FRYL: variants seen among roughly 807,000 people sequenced by gnomAD.
The protein encoded by FRYL is FRY like transcription coactivator.
Under a neutral mutation model 351.2 loss-of-function variants are expected in FRYL, and 150 were observed. The observed-to-expected ratio is 0.43, with a 90% CI of 0.37 to 0.49. FRYL has a LOEUF of 0.49. Among genes scored for constraint, FRYL ranks in the 20% least tolerant of loss-of-function variants. The pLI is 0.00. For synonymous variants in FRYL, 1,153 were observed against 1,257.1 expected (o/e 0.92, Z 1.75); for missense variants, 3,036 against 3,619.3 (o/e 0.84, Z 4.13).
At position 48,540,476 on chromosome 4, in the gene FRYL, C is replaced by T. The variant is rs1225660262; in HGVS notation, c.6172G>A (p.Gly2058Arg). Residue 2058 changes from glycine (G) to arginine (R), a missense_variant, in exon 46 of 64, where the codon GGA (glycine) becomes AGA (arginine). By Grantham distance (125) the Gly-to-Arg change is moderately radical. This residue lies in a region of FRYL where 1,987 missense variants were observed against 2,311.7 expected (regional missense o/e 0.86). Transcript: ENST00000358350. ...QSKLKWTNFP[G>R]LQQLFLKGFT... ...CCCTTAAGGAAGAGCTGCTGAAGTCCTGGAAAATTAGTCCATTTCAATTTG... is the reference window on the plus strand; with the variant it reads ...CCCTTAAGGAAGAGCTGCTGAAGTCTTGGAAAATTAGTCCATTTCAATTTG... 6.2e-7 allele frequency: 1 copy of T among 1,613,996 alleles called. No homozygotes were observed. The highest frequency in any genetic ancestry group is 1.7e-5 in the Admixed American group (1 of 60,000).
At chr4:48,736,308 A>G (rs1203179487) in intron 1 of FRYL, among the ~76,000 whole-genome samples, 1 of 152,170 alleles carries the variant, frequency 6.6e-6, no homozygotes, top group African/African-American at 2.4e-5. Context: ...TTAGGAAACT[A>G]GAAAAGGAAG....
intron 4 of FRYL, among the ~76,000 whole-genome samples, chr4:48,630,179 T>G (rs1187214565): frequency 1.3e-5 from 2 of 152,128 alleles, no homozygotes; most frequent in African/African-American, 4.8e-5. Flanking sequence ...TGATGGTCCA[T>G]TGACAGTAAT....
At chr4:48,657,533 A>G (rs1759502716) in intron 3 of FRYL, among the ~76,000 whole-genome samples, 2 of 152,152 alleles carry the variant, frequency 1.3e-5, no homozygotes, top group Admixed American at 6.5e-5. Flanking sequence ...TTACTGCAAG[A>G]TTGTCAAAAG....
At chr4:48,692,909 A>C (rs926528081) in intron 2 of FRYL, among the ~76,000 whole-genome samples, 2 of 152,240 alleles carry the variant, frequency 1.3e-5, no homozygotes, top group African/African-American at 2.4e-5. Flanking sequence ...CATTTCTATA[A>C]GTAATATTGT....
chr4:48,723,135 T>C (rs1199251843), intron 1 of FRYL, among the ~76,000 whole-genome samples: 1 of 152,074 alleles, frequency 6.6e-6, no homozygotes, highest in African/African-American at 2.4e-5. Context: ...TAACAGGTTT[T>C]TTTTTGTTTG....
intron 1 of FRYL, among the ~76,000 whole-genome samples, chr4:48,720,876 G>A (rs1769392185): frequency 6.6e-6 from 1 of 152,178 alleles, no homozygotes; most frequent in Non-Finnish European, 1.5e-5. Flanking sequence ...AGCTAAGATA[G>A]ATTCTATGGC....
At chr4:48,579,611 T>A (rs186225335) in intron 22 of FRYL, among the ~76,000 whole-genome samples, 9 of 152,328 alleles carry the variant, frequency 5.9e-5, no homozygotes, top group Admixed American at 4.6e-4. Flanking sequence ...TATCTATGTA[T>A]GTGTGGAACA....
chr4:48,507,703 AAGATAGATAGATGAT>A (rs759418962), intron 59 of FRYL, among the ~76,000 whole-genome samples: 9 of 151,652 alleles, frequency 5.9e-5, no homozygotes, highest in African/African-American at 1.9e-4. Context: ...ACAGTTTTCA[AAGATAGATAGATGAT>A]AGATAGATAG....
At chr4:48,619,485 A>G (rs1560729231) in intron 6 of FRYL, 115 bp from the exon 7 acceptor site, 1 of 541,346 alleles carries the variant, frequency 1.8e-6, no homozygotes, top group Non-Finnish European at 3.2e-6. Context: ...TGCTACAGCA[A>G]TTGTTAATAT....
chr4:48,598,858 T>C (rs1745142912), intron 13 of FRYL: 43 of 984,808 alleles, frequency 4.4e-5, no homozygotes, highest in Non-Finnish European at 4.8e-5. Flanking sequence ...TTTCTGATAC[T>C]GTTGTTAGAT....
chr4:48,539,490 T>C (rs1227760569), intron 47 of FRYL, among the ~76,000 whole-genome samples: 2 of 152,164 alleles, frequency 1.3e-5, no homozygotes, highest in African/African-American at 4.8e-5. Flanking sequence ...GGAAGACTTC[T>C]GTTTTGTGTG....
At chr4:48,697,793 A>T (rs1322174747) in intron 2 of FRYL, among the ~76,000 whole-genome samples, 1 of 152,240 alleles carries the variant, frequency 6.6e-6, no homozygotes, top group Non-Finnish European at 1.5e-5. Context: ...AGCTTCATAG[A>T]GAAGTACTTA....
intron 1 of FRYL, among the ~76,000 whole-genome samples, chr4:48,754,954 C>T (rs1773628286): frequency 6.6e-6 from 1 of 152,128 alleles, no homozygotes. Context: ...GAATCGTTTT[C>T]AATTGTGACA....
rs1187765913 is a variant in FRYL at position 48,755,191 on chromosome 4, CTG to C, written c.-384+24885_-384+24886del. Among the ~76,000 whole-genome samples, 3 of 152,294 alleles carry C rather than the reference CTG, an allele frequency of 2.0e-5. No homozygotes were observed. The South Asian group carries it at 6.2e-4, about 32-fold the overall frequency. ...AGTCACATCTCCCTCACCCTTGTAA[CTG>C]TGCAGTTGGTTTTTTAACCCATGTA... On this transcript the variant is annotated intron_variant, in intron 1 of 63. Transcript: ENST00000358350.
At chr4:48,513,326 AT>A (rs1351979354) in intron 56 of FRYL, among the ~76,000 whole-genome samples, 1 of 152,236 alleles carries the variant, frequency 6.6e-6, no homozygotes, top group Non-Finnish European at 1.5e-5. Context: ...TTTCATAAGC[AT>A]ATACTATGTT....
chr4:48,588,165 T>C (rs1238382396), intron 18 of FRYL, among the ~76,000 whole-genome samples: 2 of 152,232 alleles, frequency 1.3e-5, no homozygotes, highest in Non-Finnish European at 2.9e-5. Flanking sequence ...TGGTGTTGCC[T>C]CCTGGTCTCC....
intron 41 of FRYL, chr4:48,547,375 G>A (rs1407865226): frequency 1.1e-5 from 4 of 366,578 alleles, no homozygotes; most frequent in Admixed American, 4.4e-5. Context: ...TCTCGATAAA[G>A]ATCGTTCGAG....
chr4:48,521,232 TA>T lies in FRYL; in HGVS notation c.7522-18del. 3 of 1,570,004 alleles carry T rather than the reference TA, an allele frequency of 1.9e-6. No homozygotes were observed. Among genetic ancestry groups the T allele is most frequent in the Non-Finnish European group, 1.7e-6 (2 of 1,149,968 alleles). ...ACTGTTTAACTAAAAAGAGAAAGAG[TA>T]AAATAAGGAATTCATTTATGAGTCA... On this transcript the variant is annotated intron_variant, in intron 54 of 63. Coordinates refer to ENST00000358350, the MANE Select transcript of FRYL (RefSeq NM_015030.2).
At chr4:48,529,649 A>G (rs1006129725) in intron 50 of FRYL, among the ~76,000 whole-genome samples, 3 of 152,224 alleles carry the variant, frequency 2.0e-5, no homozygotes, top group African/African-American at 7.2e-5. Context: ...TTTTATCTAT[A>G]TAATTCTAAT....
Sources: allele counts gnomAD v4.1 joint callset (sites outside exome capture counted in the v4.1 genomes callset), GRCh38; gene constraint gnomAD v4.1.1; regional missense constraint gnomAD v4.1.1; transcripts MANE v1.5; gene names NCBI Gene and HGNC (gene_info 2026-07-23, HGNC 2026-07-21).